ABTB3: variants seen among roughly 807,000 people sequenced by gnomAD.
ABTB3 encodes ankyrin repeat- and BTB/POZ domain-containing protein 3.
the ABTB3 span, among the ~76,000 whole-genome samples, chr12:107,520,078 C>T: frequency 2.0e-5 from 3 of 152,122 alleles, no homozygotes; most frequent in East Asian, 1.9e-4. Flanking sequence ...AAGCAATTTT[C>T]GGCAGAGACT....
chr12:107,606,137 T>C, the ABTB3 span, among the ~76,000 whole-genome samples: 2 of 151,984 alleles, frequency 1.3e-5, no homozygotes, highest in Admixed American at 6.6e-5. Flanking sequence ...GGATGGGGGG[T>C]CAGGTCAAAA....
chr12:107,367,295 ACT>A, the ABTB3 span, among the ~76,000 whole-genome samples: 2 of 152,004 alleles, frequency 1.3e-5, no homozygotes, highest in East Asian at 1.9e-4. Flanking sequence ...GGAAAAGGAA[ACT>A]CTGTGCTTGA....
At chr12:107,470,813 A>G in the ABTB3 span, among the ~76,000 whole-genome samples, 1 of 152,014 alleles carries the variant, frequency 6.6e-6, no homozygotes, top group East Asian at 1.9e-4. Flanking sequence ...GTGGAATCCC[A>G]CCCAGAACGG....
the ABTB3 span, among the ~76,000 whole-genome samples, chr12:107,619,115 C>T: frequency 6.6e-6 from 1 of 152,302 alleles, no homozygotes; most frequent in East Asian, 1.9e-4. Context: ...GAGGAGAAGC[C>T]TCCTAATGCT....
At chr12:107,463,602 G>A in the ABTB3 span, among the ~76,000 whole-genome samples, 1 of 152,068 alleles carries the variant, frequency 6.6e-6, no homozygotes, top group Non-Finnish European at 1.5e-5. Context: ...GAACTAAGAT[G>A]GTCAGACTCC....
At chr12:107,411,643 G>A in the ABTB3 span, among the ~76,000 whole-genome samples, 73 of 152,266 alleles carry the variant, frequency 4.8e-4, no homozygotes, top group Middle Eastern at 3.4e-3. Flanking sequence ...AGCCCTCTGC[G>A]CTGCCATGTC....
the ABTB3 span, among the ~76,000 whole-genome samples, chr12:107,623,406 G>A: frequency 7.6e-5 from 9 of 118,902 alleles, no homozygotes; most frequent in Non-Finnish European, 1.1e-4. Context: ...TCACTCCGTC[G>A]CCCAGGCTGG....
chr12:107,606,814 G>A, the ABTB3 span, among the ~76,000 whole-genome samples: 55 of 152,114 alleles, frequency 3.6e-4, no homozygotes, highest in Admixed American at 3.3e-3. Context: ...CCTGAGATTT[G>A]CACACACACA....
chr12:107,388,225 G>C, the ABTB3 span, among the ~76,000 whole-genome samples: 7 of 151,942 alleles, frequency 4.6e-5, no homozygotes, highest in Admixed American at 1.3e-4. Context: ...GCTCACCTCA[G>C]ACTCCCAAAG....
At chr12:107,466,357 A>T in the ABTB3 span, among the ~76,000 whole-genome samples, 1 of 152,052 alleles carries the variant, frequency 6.6e-6, no homozygotes, top group Non-Finnish European at 1.5e-5. Flanking sequence ...GGACACCGTG[A>T]GGTAGGGGAC....
At chr12:107,443,643 T>C in the ABTB3 span, among the ~76,000 whole-genome samples, 9 of 152,202 alleles carry the variant, frequency 5.9e-5, no homozygotes, top group African/African-American at 1.7e-4. Context: ...AAAGAGTCTG[T>C]AGTGCCTTGG....
At chr12:107,323,668 C>T in the ABTB3 span, among the ~76,000 whole-genome samples, 1 of 152,260 alleles carries the variant, frequency 6.6e-6, no homozygotes, top group South Asian at 2.1e-4. Context: ...GTCATTGTAC[C>T]TTAAACTCCT....
the ABTB3 span, among the ~76,000 whole-genome samples, chr12:107,611,021 G>A: frequency 1.3e-5 from 2 of 152,186 alleles, no homozygotes; most frequent in Non-Finnish European, 2.9e-5. Flanking sequence ...GAGTTCCAGA[G>A]AGGGAATGAC....
At chr12:107,500,137 A>ACGGAG in the ABTB3 span, among the ~76,000 whole-genome samples, 4 of 152,204 alleles carry the variant, frequency 2.6e-5, no homozygotes. Context: ...TGTTGGGGAC[A>ACGGAG]CGGAGCCAAA....
At chr12:107,621,419 T>G in the ABTB3 span, among the ~76,000 whole-genome samples, 1 of 151,350 alleles carries the variant, frequency 6.6e-6, no homozygotes, top group Non-Finnish European at 1.5e-5. Context: ...TAAGAAACTG[T>G]CTTAGTGAGA....
chr12:107,479,912 A>C, the ABTB3 span, among the ~76,000 whole-genome samples: 2 of 152,206 alleles, frequency 1.3e-5, no homozygotes, highest in African/African-American at 4.8e-5. Flanking sequence ...AAAGCAAATC[A>C]TATCCAGGAC....
the ABTB3 span, chr12:107,651,871 C>A: frequency 1.7e-6 from 2 of 1,154,448 alleles, no homozygotes; most frequent in Non-Finnish European, 1.3e-6. Flanking sequence ...AGAGGCAGGG[C>A]AGAGAGTGGG....
chr12:107,330,909 A>G, the ABTB3 span, among the ~76,000 whole-genome samples: 1 of 152,220 alleles, frequency 6.6e-6, no homozygotes, highest in African/African-American at 2.4e-5. Context: ...GGTGTGCTAA[A>G]TGCAGAATCA....
the ABTB3 span, among the ~76,000 whole-genome samples, chr12:107,448,889 G>T: frequency 6.6e-6 from 1 of 152,234 alleles, no homozygotes; most frequent in Non-Finnish European, 1.5e-5. Flanking sequence ...TCTACTCATT[G>T]TGGGGCTCAG....
Sources: allele counts gnomAD v4.1 joint callset (sites outside exome capture counted in the v4.1 genomes callset), GRCh38; gene constraint gnomAD v4.1.1; transcripts MANE v1.5; gene names NCBI Gene and HGNC (gene_info 2026-07-23, HGNC 2026-07-21).